Variants in GLB1 observed in about 807,000 individuals in gnomAD.
GLB1 encodes the protein galactosidase beta 1.
Under a neutral mutation model 74.0 loss-of-function variants are expected in GLB1, and 56 were observed. The observed-to-expected ratio is 0.76, with a 90% CI of 0.61 to 0.94. The LOEUF is 0.94. GLB1 is among the 40% of genes least tolerant of loss of function. GLB1 has a pLI of 0.00. For missense variants in GLB1, 787 were observed against 845.5 expected (o/e 0.93, Z 0.86); for synonymous variants, 323 against 323.6 (o/e 1.00, Z 0.02).
At chr3:33,002,979 T>C (rs1696640823) in intron 15 of GLB1, among the ~76,000 whole-genome samples, 1 of 152,174 alleles carries the variant, frequency 6.6e-6, no homozygotes, top group Non-Finnish European at 1.5e-5. Context: ...AAAAGCCTCT[T>C]ACAAGGCTTG....
At chr3:32,979,851 CAAA>C in the GLB1 span, among the ~76,000 whole-genome samples, 6 of 25,212 alleles carry the variant, frequency 2.4e-4, no homozygotes, top group East Asian at 2.3e-3. Flanking sequence ...GACCCTGTCT[CAAA>C]AAAAAAAAAA....
intron 10 of GLB1, among the ~76,000 whole-genome samples, chr3:33,029,861 C>T (rs1036136936): frequency 6.6e-6 from 1 of 151,622 alleles, no homozygotes; most frequent in South Asian, 2.1e-4. Flanking sequence ...ATGCTTATTA[C>T]CTGGGTGACA....
At chr3:32,982,257 G>A in the GLB1 span, among the ~76,000 whole-genome samples, 1 of 149,572 alleles carries the variant, frequency 6.7e-6, no homozygotes, top group Non-Finnish European at 1.5e-5. Context: ...AGGTTGTGGT[G>A]AGCCGAGATG....
At chr3:33,025,213 C>T (rs932365800) in intron 10 of GLB1, among the ~76,000 whole-genome samples, 2 of 152,126 alleles carry the variant, frequency 1.3e-5, no homozygotes, top group Admixed American at 6.5e-5. Flanking sequence ...CCAAAGTGCT[C>T]GGATTACAGG....
rs769579539 is a variant in GLB1 at position 33,077,150 on chromosome 3, G to GTACCTCTTT, written c.76-4438_76-4437insAAAGAGGTA. On this transcript the variant is annotated intron_variant, in intron 1 of 15. Transcript: ENST00000307363. ...CTGTTGCTGCTTGCGTGCTCATTCG[G>GTACCTCTTT]TGCAGTCTTGGTACCTCTTTTGTGA... The GTACCTCTTT allele has an allele frequency of 8.0e-5, 115 of 1,446,446 alleles. No homozygotes were observed. In the African/African-American group the frequency reaches 1.4e-3, roughly 17 times the overall value. 89.6% of individuals were successfully genotyped at this position (1,446,446 alleles called of 1,614,324 possible).
At chr3:33,016,861 T>C in intron 13 of GLB1, 21 bp from the exon 14 acceptor site, 1 of 1,613,212 alleles carries the variant, frequency 6.2e-7, no homozygotes, top group African/African-American at 1.3e-5. Flanking sequence ...CAAGACCAAA[T>C]GACAATTGAA....
intron 10 of GLB1, among the ~76,000 whole-genome samples, chr3:33,035,333 G>A (rs924244993): frequency 6.6e-6 from 1 of 152,062 alleles, no homozygotes; most frequent in Non-Finnish European, 1.5e-5. Flanking sequence ...TCAGGAGGCT[G>A]AGGCAGGAGG....
chr3:33,051,626 G>GAA lies in GLB1; in HGVS notation c.955+130_955+131dup, dbSNP rs71630561. 4.5e-4 allele frequency: 496 copies of GAA among 1,111,502 alleles called. 1 individual carries two copies. Among genetic ancestry groups the GAA allele is most frequent in the East Asian group, 1.7e-3 (62 of 35,472 alleles). 68.9% of individuals were successfully genotyped at this position (1,111,502 alleles called of 1,614,324 possible). A position where few individuals can be genotyped will look rare whatever the true frequency, so the allele number is the denominator to read the frequency against. ...TACAAAAAAAAAAAAAAAAGAAAAA[G>GAA]AAAAAAAAAGAAAATTTAGGAGAGG... On this transcript the variant is annotated intron_variant, in intron 9 of 15. Coordinates refer to ENST00000307363, the MANE Select transcript of GLB1 (RefSeq NM_000404.4).
intron 13 of GLB1, 104 bp downstream of exon 13, chr3:33,018,344 G>T: frequency 1.2e-6 from 1 of 865,954 alleles, no homozygotes; most frequent in Non-Finnish European, 1.9e-6. Flanking sequence ...TAGAGCCTGA[G>T]GCTGAAAAGG....
At chr3:33,043,859 A>AC (rs1470021458) in intron 10 of GLB1, among the ~76,000 whole-genome samples, 1 of 88,082 alleles carries the variant, frequency 1.1e-5, no homozygotes. Flanking sequence ...AAAAAAAAAA[A>AC]AAAGGCTTCC....
intron 1 of GLB1, chr3:33,096,788 C>T: frequency 8.9e-6 from 12 of 1,343,570 alleles, no homozygotes; most frequent in Non-Finnish European, 1.1e-5. Flanking sequence ...GCGGAACGCA[C>T]AAGCGACCGA....
downstream of GLB1, among the ~76,000 whole-genome samples, chr3:32,995,022 T>C (rs1696285180): frequency 6.6e-6 from 1 of 152,020 alleles, no homozygotes; most frequent in South Asian, 2.1e-4. Context: ...TTCCCTCACA[T>C]TGATAAGACA....
At chr3:33,096,780 G>C in intron 1 of GLB1, 1 of 1,334,962 alleles carries the variant, frequency 7.5e-7, no homozygotes, top group Non-Finnish European at 9.5e-7. Context: ...CGGCCGGAGC[G>C]GAACGCACAA....
intron 1 of GLB1, among the ~76,000 whole-genome samples, chr3:33,089,965 T>C (rs1350515110): frequency 6.6e-6 from 1 of 152,174 alleles, no homozygotes; most frequent in Non-Finnish European, 1.5e-5. Flanking sequence ...ATAGTTGAGA[T>C]AATCAGGAAA....
intron 1 of GLB1, among the ~76,000 whole-genome samples, chr3:33,086,119 A>C (rs1246434613): frequency 6.6e-6 from 1 of 152,186 alleles, no homozygotes; most frequent in Non-Finnish European, 1.5e-5. Flanking sequence ...CCAACTGGCC[A>C]AAGATGGGCT....
rs886058342 is a variant in GLB1 at position 33,058,277 on chromosome 3, T to C, written c.553-8A>G. 3 of 1,613,402 alleles carry C rather than the reference T, an allele frequency of 1.9e-6. No individual in the cohort carries two copies. The highest frequency in any genetic ancestry group is 2.5e-6 in the Non-Finnish European group (3 of 1,179,876). Reference sequence around the variant, plus strand: ...GCCATATTCATTTTCAACCTGTGAGTGAAAAAAGAGCAGGGAAAAATGAGG... The same window carrying C: ...GCCATATTCATTTTCAACCTGTGAGCGAAAAAAGAGCAGGGAAAAATGAGG... On this transcript the variant is annotated splice_polypyrimidine_tract_variant and splice_region_variant and intron_variant, in intron 5 of 15. Transcript: ENST00000307363.
At chr3:33,082,683 A>T (rs572321282) in intron 1 of GLB1, among the ~76,000 whole-genome samples, 50 of 152,180 alleles carry the variant, frequency 3.3e-4, no homozygotes, top group Admixed American at 5.2e-4. Context: ...AATCCTACTG[A>T]TAAAAAGGAT....
intron 1 of GLB1, chr3:33,091,759 TTC>T (rs1700773163): frequency 1.0e-6 from 1 of 985,332 alleles, no homozygotes; most frequent in Non-Finnish European, 1.2e-6. Context: ...AGCGAGTGTC[TTC>T]ACTCCCCATT....
chr3:33,010,008 C>T (rs1219768359), intron 15 of GLB1, among the ~76,000 whole-genome samples: 1 of 152,188 alleles, frequency 6.6e-6, no homozygotes, highest in African/African-American at 2.4e-5. Flanking sequence ...AGGTGATAGA[C>T]ATCTGAATTA....
Sources: allele counts gnomAD v4.1 joint callset (sites outside exome capture counted in the v4.1 genomes callset), GRCh38; gene constraint gnomAD v4.1.1; transcripts MANE v1.5; gene names NCBI Gene and HGNC (gene_info 2026-07-23, HGNC 2026-07-21).